The following UNC79 variants were observed in gnomAD, a reference collection of about 807,000 sequenced individuals.
UNC79 encodes the protein protein unc-79 homolog.
In UNC79, 37 loss-of-function variants were observed where a neutral mutation model predicts 283.1. The ratio of observed to expected loss-of-function variants is 0.13; its 90% CI spans 0.10 to 0.17. The LOEUF (loss-of-function observed/expected upper bound fraction) is 0.17, where lower values mean the gene tolerates loss of function less well. UNC79 is among the 10% of genes least tolerant of loss of function. UNC79 has a pLI of 1.00. For missense variants in UNC79, 2,272 were observed against 3,211.1 expected, an observed-to-expected ratio of 0.71 and a Z score of 7.07; for synonymous variants, 1,107 against 1,200.2, an observed-to-expected ratio of 0.92 and a Z score of 1.61.
chr14:93,579,720 A>G (rs563377946), intron 18 of UNC79, among the ~76,000 whole-genome samples: 1 of 152,024 alleles, frequency 6.6e-6, no homozygotes, highest in African/African-American at 2.4e-5. Context: ...CTCATCTTAT[A>G]TTTTCCTAGC....
chr14:93,463,439 A>T (rs1022483910), intron 1 of UNC79, among the ~76,000 whole-genome samples: 4 of 152,152 alleles, frequency 2.6e-5, no homozygotes, highest in Admixed American at 6.5e-5. Context: ...CTGGAGGGGA[A>T]TGGAAAGGCA....
upstream of UNC79, among the ~76,000 whole-genome samples, chr14:93,425,938 T>G (rs2055716734): frequency 6.6e-6 from 1 of 152,154 alleles, no homozygotes; most frequent in Non-Finnish European, 1.5e-5. Context: ...AAAATCTGCA[T>G]TTTCATCTGG....
intron 1 of UNC79, among the ~76,000 whole-genome samples, chr14:93,397,653 C>T (rs913129214): frequency 6.6e-6 from 1 of 152,046 alleles, no homozygotes; most frequent in African/African-American, 2.4e-5. Flanking sequence ...TTGAGATGAG[C>T]CTGGGCAACA....
At chr14:93,380,828 T>C (rs149205354) in intron 1 of UNC79, among the ~76,000 whole-genome samples, 2,127 of 152,340 alleles carry the variant, frequency 0.014, 64 homozygotes, top group African/African-American at 0.049. Context: ...AAAATTGTAA[T>C]ATATAGCCAC....
chr14:93,493,901 A>ATATATATTTTTTTTT (rs1251701550), intron 5 of UNC79, among the ~76,000 whole-genome samples: 1 of 49,252 alleles, frequency 2.0e-5, no homozygotes, highest in East Asian at 7.5e-4. Context: ...ATATATATAT[A>ATATATATTTTTTTTT]TTTTTTTTTT....
chr14:93,652,945 G>A (rs1029847764), intron 35 of UNC79, among the ~76,000 whole-genome samples: 6 of 152,242 alleles, frequency 3.9e-5, no homozygotes, highest in South Asian at 2.1e-4. Context: ...TAAGTTCGGC[G>A]TTATTTTTTC....
intron 14 of UNC79, among the ~76,000 whole-genome samples, chr14:93,562,503 G>A (rs188408265): frequency 7.1e-4 from 108 of 152,308 alleles, no homozygotes; most frequent in African/African-American, 2.5e-3. Flanking sequence ...AGAAGGGCAA[G>A]AGGTAAAAGT....
At chr14:93,465,126 TC>T (rs1447948016) in intron 1 of UNC79, among the ~76,000 whole-genome samples, 1 of 152,178 alleles carries the variant, frequency 6.6e-6, no homozygotes, top group Non-Finnish European at 1.5e-5. Flanking sequence ...TCCTTTTTTT[TC>T]TCCATCTTCA....
At chr14:93,661,373 CTT>C (rs2071585733) in intron 39 of UNC79, among the ~76,000 whole-genome samples, 1 of 152,172 alleles carries the variant, frequency 6.6e-6, no homozygotes, top group African/African-American at 2.4e-5. Context: ...CTATGGATGA[CTT>C]TTACTTCTTC....
At chr14:93,691,557 C>G in intron 45 of UNC79, 192 bp from the exon 49 acceptor site, 2 of 626,008 alleles carry the variant, frequency 3.2e-6, no homozygotes, top group Non-Finnish European at 2.8e-6. Context: ...TGAGCACACT[C>G]CCACTGGTGG....
chr14:93,537,946 C>T (rs768251024), intron 11 of UNC79, 43 bp from the exon 12 acceptor site: 2 of 1,563,362 alleles, frequency 1.3e-6, no homozygotes, highest in Non-Finnish European at 1.7e-6. Context: ...CCAAGTTTAC[C>T]TCGGTGGTCA....
At chr14:93,558,428 T>G (rs1408909123) in intron 14 of UNC79, among the ~76,000 whole-genome samples, 1 of 151,578 alleles carries the variant, frequency 6.6e-6, no homozygotes, top group African/African-American at 2.4e-5. Context: ...CGGTGGCGGG[T>G]GCCTGTAGTC....
At chr14:93,658,679 A>G (rs1362687198) in intron 38 of UNC79, among the ~76,000 whole-genome samples, 1 of 152,206 alleles carries the variant, frequency 6.6e-6, no homozygotes, top group Non-Finnish European at 1.5e-5. Flanking sequence ...GTGTTGCTTC[A>G]TAGCAGAGAA....
At chr14:93,591,654 A>G (rs528964222) in intron 22 of UNC79, among the ~76,000 whole-genome samples, 1 of 152,302 alleles carries the variant, frequency 6.6e-6, no homozygotes, top group Admixed American at 6.5e-5. Context: ...ACCTCAAGCT[A>G]TGGTACATGT....
At chr14:93,388,241 A>G (rs1023894477) in intron 1 of UNC79, among the ~76,000 whole-genome samples, 15 of 152,066 alleles carry the variant, frequency 9.9e-5, no homozygotes, top group African/African-American at 3.4e-4. Context: ...CCTCCCTGGT[A>G]GGTGGGACTA....
intron 1 of UNC79, among the ~76,000 whole-genome samples, chr14:93,446,918 G>C (rs1439854848): frequency 6.6e-6 from 1 of 152,154 alleles, no homozygotes; most frequent in African/African-American, 2.4e-5. Flanking sequence ...GTAATGTGTT[G>C]AAATCTTCTA....
At chr14:93,340,441 CAAAAA>C (rs1193751068) in intron 1 of UNC79, among the ~76,000 whole-genome samples, 5 of 64,446 alleles carry the variant, frequency 7.8e-5, no homozygotes, top group East Asian at 5.3e-4. Context: ...AACGCTGTCT[CAAAAA>C]AAAAAAAAAA....
intron 23 of UNC79, 88 bp downstream of exon 23, chr14:93,593,925 G>T: frequency 7.1e-7 from 1 of 1,408,392 alleles, no homozygotes; most frequent in Non-Finnish European, 9.5e-7. Flanking sequence ...CTCCTTTCTT[G>T]TCCCTTCTTT....
intron 1 of UNC79, among the ~76,000 whole-genome samples, chr14:93,393,148 C>G (rs924936065): frequency 6.6e-6 from 1 of 152,114 alleles, no homozygotes; most frequent in Non-Finnish European, 1.5e-5. Flanking sequence ...ATCCTTTTAG[C>G]AGGATCCCAG....
Sources: gnomAD v4.1 joint callset for allele counts (sites outside exome capture counted in the v4.1 genomes callset) on GRCh38, gnomAD v4.1.1 for gene constraint, MANE v1.5 for transcripts, NCBI Gene and HGNC (gene_info 2026-07-23, HGNC 2026-07-21) for gene names.